The following DISP1 variants were observed in gnomAD, a reference collection of about 807,000 sequenced individuals.
DISP1 encodes dispatched RND transporter family member 1.
Under a neutral mutation model 37.3 loss-of-function variants are expected in DISP1, and 30 were observed. That is an observed-to-expected ratio of 0.80 (90% CI 0.60 to 1.09). The LOEUF is 1.09. Among genes scored for constraint, DISP1 ranks in the 50% least tolerant of loss-of-function variants. DISP1 has a pLI of 0.00. For missense variants in DISP1, 1,598 were observed against 1,879.5 expected (o/e 0.85, Z 2.77); for synonymous variants, 634 against 690.2 (o/e 0.92, Z 1.28).
chr1:222,855,055 G>A (rs1359868578), intron 1 of DISP1, among the ~76,000 whole-genome samples: 1 of 152,052 alleles, frequency 6.6e-6, no homozygotes, highest in Non-Finnish European at 1.5e-5. Context: ...CTTTAACTAA[G>A]GAACTTCTAC....
At chr1:222,854,948 A>G (rs1169245793) in intron 1 of DISP1, among the ~76,000 whole-genome samples, 2 of 152,068 alleles carry the variant, frequency 1.3e-5, no homozygotes, top group Admixed American at 6.5e-5. Flanking sequence ...AATCATTTTC[A>G]AACTTGTCCA....
chr1:222,844,804 T>C (rs933028530), intron 1 of DISP1, among the ~76,000 whole-genome samples: 1 of 152,172 alleles, frequency 6.6e-6, no homozygotes, highest in Non-Finnish European at 1.5e-5. Flanking sequence ...ATTGTATTTC[T>C]GTGTGAGTCG....
intron 1 of DISP1, among the ~76,000 whole-genome samples, chr1:222,877,617 G>A (rs1268775969): frequency 6.6e-6 from 1 of 152,214 alleles, no homozygotes; most frequent in Non-Finnish European, 1.5e-5. Context: ...GGAATAAAAT[G>A]TGAGCAACAC....
At chr1:222,995,324 C>T (rs1248752668) in intron 8 of DISP1, among the ~76,000 whole-genome samples, 2 of 152,110 alleles carry the variant, frequency 1.3e-5, no homozygotes, top group Non-Finnish European at 2.9e-5. Context: ...AACCTAGTTT[C>T]ATTGTTCCCT....
At chr1:222,986,976 A>G (rs1204362956) in intron 4 of DISP1, among the ~76,000 whole-genome samples, 1 of 152,050 alleles carries the variant, frequency 6.6e-6, no homozygotes, top group Non-Finnish European at 1.5e-5. Flanking sequence ...AGTTAAAAGA[A>G]TGGTTCCTTT....
At chr1:222,888,465 G>T (rs1047188058) in intron 1 of DISP1, among the ~76,000 whole-genome samples, 2 of 151,984 alleles carry the variant, frequency 1.3e-5, no homozygotes, top group African/African-American at 2.4e-5. Context: ...ATTTTTATTG[G>T]GTAAAAAGGG....
intron 1 of DISP1, among the ~76,000 whole-genome samples, chr1:222,876,623 A>G (rs1669989055): frequency 6.6e-6 from 1 of 152,258 alleles, no homozygotes; most frequent in Non-Finnish European, 1.5e-5. Context: ...TATAAATTTC[A>G]AAAGCAGCAT....
At chr1:222,952,036 C>T (rs1013654814) in intron 3 of DISP1, among the ~76,000 whole-genome samples, 5 of 152,114 alleles carry the variant, frequency 3.3e-5, no homozygotes, top group Admixed American at 2.0e-4. Flanking sequence ...CCCTCTTTTC[C>T]GCTCTTACCA....
At chr1:222,938,760 AAAGGAAGG>A (rs71564727) in intron 2 of DISP1, among the ~76,000 whole-genome samples, 16 of 104,612 alleles carry the variant, frequency 1.5e-4, no homozygotes, top group African/African-American at 4.0e-4. Flanking sequence ...AAAAAAAAAA[AAAGGAAGG>A]AAGGAAGGAA....
At chr1:222,939,366 T>TTA in intron 2 of DISP1, among the ~76,000 whole-genome samples, 1 of 148,220 alleles carries the variant, frequency 6.7e-6, no homozygotes, top group African/African-American at 2.5e-5. Flanking sequence ...TTTTTTTTTT[T>TTA]TTTTTTTTTT....
chr1:222,953,804 C>T (rs1446810261), intron 3 of DISP1, among the ~76,000 whole-genome samples: 1 of 152,010 alleles, frequency 6.6e-6, no homozygotes, highest in East Asian at 1.9e-4. Context: ...TGAGAGAGTT[C>T]TTCTTTTATT....
chr1:222,993,185 T>C (rs1473313870), intron 7 of DISP1, among the ~76,000 whole-genome samples: 1 of 152,136 alleles, frequency 6.6e-6, no homozygotes, highest in Non-Finnish European at 1.5e-5. Flanking sequence ...GATTTGAATG[T>C]GGAGCCATTA....
chr1:222,873,042 A>T (rs2125349186), intron 1 of DISP1, among the ~76,000 whole-genome samples: 2 of 152,300 alleles, frequency 1.3e-5, no homozygotes, highest in South Asian at 4.1e-4. Context: ...CCCAGTAGTC[A>T]TTCAGGAGCA....
At chr1:222,940,924 A>T (rs1289487680) in intron 2 of DISP1, among the ~76,000 whole-genome samples, 4 of 152,340 alleles carry the variant, frequency 2.6e-5, no homozygotes, top group African/African-American at 9.6e-5. Flanking sequence ...ACATTATCTA[A>T]GACACAATTA....
In DISP1 at chr1:222,942,885, G is replaced by C; in HGVS notation, c.62G>C (p.Ser21Thr). 1 of 1,614,148 alleles carries C rather than the reference G, an allele frequency of 6.2e-7. No homozygotes were observed. Among genetic ancestry groups the C allele is most frequent in the Non-Finnish European group, 8.5e-7 (1 of 1,180,014 alleles). ...VVLSNSSIAT[S>T]AANPSPLTPC... ...CTGAGCAACAGCAGCATCGCAACCA[G>C]TGCTGCTAACCCGAGTCCCCTCACC... is the stretch of plus-strand genomic sequence containing the variant. The change falls in exon 3 of 9, where the codon AGT (serine) becomes ACT (threonine). Residue 21 changes from serine (S) to threonine (T), a missense_variant. Coordinates refer to ENST00000675850, the MANE Select transcript of DISP1 (RefSeq NM_001377229.1).
intron 2 of DISP1, among the ~76,000 whole-genome samples, chr1:222,929,073 G>T (rs1673240774): frequency 6.6e-6 from 1 of 151,226 alleles, no homozygotes; most frequent in Non-Finnish European, 1.5e-5. Context: ...GTAGTTTGGT[G>T]AAGATACCCT....
chr1:222,909,041 G>T (rs1212276135), intron 1 of DISP1, among the ~76,000 whole-genome samples: 1 of 152,034 alleles, frequency 6.6e-6, no homozygotes, highest in Non-Finnish European at 1.5e-5. Context: ...AGGATGATGT[G>T]GGCTGCATGG....
At chr1:222,955,711 T>C (rs966099198) in intron 3 of DISP1, among the ~76,000 whole-genome samples, 1 of 152,208 alleles carries the variant, frequency 6.6e-6, no homozygotes, top group Non-Finnish European at 1.5e-5. Context: ...TTGGCTCAAC[T>C]CTGACCACCT....
At chr1:222,971,208 A>G (rs1676923213) in intron 3 of DISP1, among the ~76,000 whole-genome samples, 3 of 152,102 alleles carry the variant, frequency 2.0e-5, no homozygotes. Context: ...GAAAGTTTAG[A>G]TCAGGAAGAA....
Sources: allele counts gnomAD v4.1 joint callset (sites outside exome capture counted in the v4.1 genomes callset), GRCh38; gene constraint gnomAD v4.1.1; transcripts MANE v1.5; gene names NCBI Gene and HGNC (gene_info 2026-07-23, HGNC 2026-07-21).